The following NPRL3 variants were observed in gnomAD, a reference collection of about 807,000 sequenced individuals.
NPRL3 encodes the protein GATOR1 complex protein NPRL3.
NPRL3 carries 23 observed loss-of-function variants against 57.2 expected under a neutral mutation model. The ratio of observed to expected loss-of-function variants is 0.40; its 90% CI spans 0.29 to 0.57. NPRL3 has a LOEUF of 0.57. Ranked by LOEUF, NPRL3 falls within the 20% of genes least tolerant of loss-of-function variation. The pLI is 0.42. For synonymous variants in NPRL3, 333 were observed against 321.1 expected, an observed-to-expected ratio of 1.04 and a Z score of -0.39; for missense variants, 691 against 767.1, an observed-to-expected ratio of 0.90 and a Z score of 1.17.
intron 2 of NPRL3, among the ~76,000 whole-genome samples, chr16:134,694 A>ATTATTATTATTATTTTTTT (rs1346965930): frequency 9.7e-5 from 10 of 103,420 alleles, no homozygotes; most frequent in African/African-American, 3.4e-4. Flanking sequence ...AATTATTATT[A>ATTATTATTATTATTTTTTT]TTTTTTTTTT....
intron 3 of NPRL3, among the ~76,000 whole-genome samples, chr16:128,208 C>T (rs1900630486): frequency 6.6e-6 from 1 of 152,108 alleles, no homozygotes; most frequent in Non-Finnish European, 1.5e-5. Flanking sequence ...GCCAGGCTGT[C>T]TCCTGACCTC....
rs552472437 is a variant in NPRL3 at position 101,587 on chromosome 16, C to T, written c.630-1078G>A. On this transcript the variant is annotated intron_variant, in intron 7 of 13. Coordinates refer to ENST00000611875, the MANE Select transcript of NPRL3 (RefSeq NM_001077350.3). Reference sequence around the variant, plus strand: ...TTAAACCATCAGCAAATCCCATCTGCTCCACCTGCAGGGATGTCCAAAATC... The same window carrying T: ...TTAAACCATCAGCAAATCCCATCTGTTCCACCTGCAGGGATGTCCAAAATC... Among the ~76,000 whole-genome samples the T allele has an allele frequency of 5.3e-5, 8 of 152,366 alleles. No individual in the cohort carries two copies. The South Asian group carries it at 1.5e-3, about 28-fold the overall frequency.
chr16:91,327 G>A (rs890354202), intron 11 of NPRL3, among the ~76,000 whole-genome samples: 3 of 152,168 alleles, frequency 2.0e-5, no homozygotes, highest in Admixed American at 1.3e-4. Flanking sequence ...GCAGTGAGCC[G>A]AGATCATGCC....
intron 3 of NPRL3, among the ~76,000 whole-genome samples, chr16:128,494 C>G (rs1007087105): frequency 6.6e-6 from 1 of 152,192 alleles, no homozygotes; most frequent in East Asian, 1.9e-4. Context: ...ACGGGCCGGG[C>G]GCGGTGGCTC....
intron 7 of NPRL3, among the ~76,000 whole-genome samples, chr16:100,778 G>GC (rs1361119742): frequency 4.4e-5 from 1 of 22,890 alleles, no homozygotes; most frequent in Non-Finnish European, 7.8e-5. Flanking sequence ...GACCAGCCTG[G>GC]CTAATAACAC....
chr16:112,054 A>G (rs1899838288), intron 6 of NPRL3, among the ~76,000 whole-genome samples: 1 of 152,176 alleles, frequency 6.6e-6, no homozygotes, highest in African/African-American at 2.4e-5. Flanking sequence ...TCCTCCTTCA[A>G]TCTGGCTGAA....
At chr16:138,092 C>A (rs990551017) in intron 2 of NPRL3, 58 bp downstream of exon 2, 2 of 1,371,652 alleles carry the variant, frequency 1.5e-6, no homozygotes, top group Non-Finnish European at 2.0e-6. Flanking sequence ...TGGAATGAGG[C>A]GACCCCGGAA....
intron 12 of NPRL3, 105 bp from the exon 13 acceptor site, chr16:88,995 A>T: frequency 1.2e-5 from 12 of 1,025,242 alleles, no homozygotes; most frequent in Non-Finnish European, 1.6e-5. Flanking sequence ...CCTAACTCCT[A>T]CAAGGGTTAG....
chr16:136,869 C>A (rs1332880055), intron 2 of NPRL3, among the ~76,000 whole-genome samples: 1 of 151,640 alleles, frequency 6.6e-6, no homozygotes, highest in Admixed American at 6.6e-5. Flanking sequence ...AAACTTTCTG[C>A]CATATCAACA....
rs1900741473 is a variant in NPRL3, at chr16:130,549, T to C, written c.161A>G (p.His54Arg). ...GGAATCGCCGTCCTGCTCATCAGCA[T>C]GGTCGCCCGTGTTGCTGGCAGCGTA... is the stretch of plus-strand genomic sequence containing the variant. ...SRYAASNTGD[H>R]ADEQDGDSRF... The change falls in exon 3 of 14, where the codon CAT becomes CGT. Residue 54 changes from histidine (H) to arginine (R), a missense_variant. By Grantham distance (29) the His-to-Arg change is conservative. Coordinates refer to ENST00000611875, the MANE Select transcript of NPRL3 (RefSeq NM_001077350.3). The C allele has an allele frequency of 1.3e-6, 2 of 1,554,550 alleles. No homozygotes were observed. Among genetic ancestry groups the C allele is most frequent in the South Asian group, 1.2e-5 (1 of 84,318 alleles).
At chr16:127,538 A>G (rs1243804825) in intron 3 of NPRL3, among the ~76,000 whole-genome samples, 3 of 152,180 alleles carry the variant, frequency 2.0e-5, no homozygotes, top group Admixed American at 6.5e-5. Flanking sequence ...CCCGGCCCCA[A>G]AAGAACTTTC....
intron 7 of NPRL3, among the ~76,000 whole-genome samples, chr16:107,403 G>C (rs1415123268): frequency 6.6e-6 from 1 of 152,004 alleles, no homozygotes; most frequent in African/African-American, 2.4e-5. Context: ...CCAGCATTTT[G>C]GGAGGCCGAG....
intron 9 of NPRL3, 52 bp from the exon 10 acceptor site, chr16:93,377 GAGC>G (rs1898847652): frequency 8.0e-7 from 1 of 1,245,160 alleles, no homozygotes; most frequent in African/African-American, 1.5e-5. Context: ...GGCCCACCGG[GAGC>G]TGTCAGCAGC....
intron 7 of NPRL3, among the ~76,000 whole-genome samples, 153 bp from the exon 8 acceptor site, chr16:100,662 T>C (rs1899243173): frequency 6.6e-6 from 1 of 151,028 alleles, no homozygotes; most frequent in South Asian, 2.1e-4. Flanking sequence ...TAAGATCACA[T>C]TATGTTTAAG....
intron 11 of NPRL3, chr16:91,228 A>C (rs1222114397): frequency 1.3e-5 from 2 of 151,732 alleles, no homozygotes; most frequent in Non-Finnish European, 2.9e-5. Flanking sequence ...AAATACAAAA[A>C]ATTAGCCAGG....
At chr16:124,667 C>T (rs544853083) in intron 3 of NPRL3, among the ~76,000 whole-genome samples, 1 of 152,274 alleles carries the variant, frequency 6.6e-6, no homozygotes, top group East Asian at 1.9e-4. Context: ...GCACACCTGA[C>T]TTCCCTAAGC....
intron 7 of NPRL3, among the ~76,000 whole-genome samples, chr16:109,998 C>T (rs576501641): frequency 0.42 from 230 of 542 alleles, no homozygotes; most frequent in Middle Eastern, 0.5. Context: ...AGCCACTGGC[C>T]GGGCGCGGTG....
intron 13 of NPRL3, among the ~76,000 whole-genome samples, chr16:87,302 G>T (rs1290557307): frequency 6.6e-6 from 1 of 151,972 alleles, no homozygotes; most frequent in African/African-American, 2.4e-5. Context: ...CTCGATCTCA[G>T]CTCACTGCAA....
chr16:99,959 C>CAAAAAAAAAAAAAAAAAAAAAAAAAA (rs11304941), intron 8 of NPRL3, among the ~76,000 whole-genome samples: 3 of 61,016 alleles, frequency 4.9e-5, no homozygotes, highest in Non-Finnish European at 1.0e-4. Context: ...CACACCCCCG[C>CAAAAAAAAAAAAAAAAAAAAAAAAAA]AAAAAAAAAA....
Sources: allele counts gnomAD v4.1 joint callset (sites outside exome capture counted in the v4.1 genomes callset), GRCh38; gene constraint gnomAD v4.1.1; transcripts MANE v1.5; gene names NCBI Gene and HGNC (gene_info 2026-07-23, HGNC 2026-07-21).